PLXNA4: variants seen among roughly 807,000 people sequenced by gnomAD.
PLXNA4 encodes the protein plexin-A4.
A neutral mutation model predicts 191.8 loss-of-function variants in PLXNA4; 44 were observed. That is an observed-to-expected ratio of 0.23 (90% confidence interval 0.18 to 0.29). The LOEUF (loss-of-function observed/expected upper bound fraction) is 0.29. PLXNA4 is among the 10% of genes least tolerant of loss of function. PLXNA4 has a pLI of 1.00. For synonymous variants in PLXNA4, 1,082 were observed against 1,009.5 expected (o/e 1.07, Z -1.36); for missense variants, 1,800 against 2,488.8 (o/e 0.72, Z 5.89).
At chr7:132,464,593 G>C (rs1796631399) in intron 3 of PLXNA4, among the ~76,000 whole-genome samples, 1 of 152,168 alleles carries the variant, frequency 6.6e-6, no homozygotes, top group Admixed American at 6.5e-5. Context: ...GTGTCAAAAT[G>C]CTTTGCAAAA....
chr7:132,224,414 T>C (rs1282982756), intron 8 of PLXNA4, among the ~76,000 whole-genome samples: 1 of 152,134 alleles, frequency 6.6e-6, no homozygotes, highest in African/African-American at 2.4e-5. Flanking sequence ...CGTGAATCTC[T>C]TGGCTGACAT....
chr7:132,491,245 A>G (rs1387332264), intron 2 of PLXNA4, among the ~76,000 whole-genome samples: 1 of 152,258 alleles, frequency 6.6e-6, no homozygotes, highest in East Asian at 1.9e-4. Context: ...AATAAAATAC[A>G]AGGTGTCACT....
At chr7:132,240,190 T>C (rs1349905485) in intron 5 of PLXNA4, among the ~76,000 whole-genome samples, 1 of 152,212 alleles carries the variant, frequency 6.6e-6, no homozygotes, top group Non-Finnish European at 1.5e-5. Context: ...ATTTCAATTG[T>C]TGGCCAGAAA....
chr7:132,226,993 C>T (rs750071658), intron 7 of PLXNA4, among the ~76,000 whole-genome samples: 4 of 152,230 alleles, frequency 2.6e-5, no homozygotes, highest in Non-Finnish European at 5.9e-5. Context: ...GGGCAGCTTG[C>T]CCCCAACAAC....
chr7:132,327,678 A>G (rs111657678), intron 3 of PLXNA4, among the ~76,000 whole-genome samples: 2 of 152,236 alleles, frequency 1.3e-5, no homozygotes, highest in African/African-American at 4.8e-5. Flanking sequence ...GGAAGGTCAC[A>G]TCTGGATCCC....
At chr7:132,147,773 G>T in intron 27 of PLXNA4, 127 bp downstream of exon 27, 1 of 1,286,768 alleles carries the variant, frequency 7.8e-7, no homozygotes, top group Non-Finnish European at 1.1e-6. Context: ...TCTCTTCCCC[G>T]ATGGTCAGCC....
rs550549917 is a variant in PLXNA4 at position 132,597,763 on chromosome 7, T to C, written c.-87+48165A>G. On this transcript the variant is annotated intron_variant, in intron 2 of 4. Transcript: ENST00000378539. ...CATATAGAATTTTAATTTACATACA[T>C]ATATAATGTCATATGCTTCATTCTG... Among the ~76,000 whole-genome samples the C allele has an allele frequency of 2.2e-3, 329 of 152,262 alleles. 3 individuals are homozygous for C. The highest frequency in any genetic ancestry group is 3.9e-3 in the Non-Finnish European group (268 of 68,020).
At chr7:132,168,230 G>T in intron 22 of PLXNA4, 74 bp downstream of exon 22, 1 of 1,434,786 alleles carries the variant, frequency 7.0e-7, no homozygotes, top group Non-Finnish European at 9.2e-7. Flanking sequence ...AGCTCCACCC[G>T]AGTCTCCCTG....
chr7:132,459,220 C>T (rs1796414825), intron 3 of PLXNA4, among the ~76,000 whole-genome samples: 1 of 152,178 alleles, frequency 6.6e-6, no homozygotes, highest in African/African-American at 2.4e-5. Flanking sequence ...CCTGAGCAGA[C>T]AGTTTTCTGA....
At chr7:132,497,120 A>ACG (rs768308629) in intron 2 of PLXNA4, among the ~76,000 whole-genome samples, 42 of 81,956 alleles carry the variant, frequency 5.1e-4, no homozygotes, top group African/African-American at 1.7e-3. Flanking sequence ...TTGTGCACGC[A>ACG]CGCACACACA....
intron 2 of PLXNA4, among the ~76,000 whole-genome samples, chr7:132,604,744 A>G (rs991601335): frequency 4.6e-5 from 7 of 151,952 alleles, no homozygotes; most frequent in Non-Finnish European, 8.8e-5. Flanking sequence ...TCAATAACTC[A>G]TTCATTTGAT....
At position 132,505,480 on chromosome 7, in the gene PLXNA4, T is replaced by G. The variant is rs555047461; in HGVS notation, c.1188+2026A>C. Among the ~76,000 whole-genome samples, 24 of 70,520 alleles carry G rather than the reference T, an allele frequency of 3.4e-4. No individual in the cohort carries two copies. The South Asian group carries it at 4.0e-3, about 12-fold the overall frequency. 46.3% of individuals were successfully genotyped at this position (70,520 alleles called of 152,430 possible). On this transcript the variant is annotated intron_variant, in intron 2 of 31. Transcript: ENST00000321063. Reference sequence around the variant, plus strand: ...ACTCCTCTGGTCTCAAAAGAACTTGTTGTTGTTTAGTAAGTGCACAGTATA... The same window carrying G: ...ACTCCTCTGGTCTCAAAAGAACTTGGTGTTGTTTAGTAAGTGCACAGTATA...
At chr7:132,223,106 T>C (rs913652990) in intron 9 of PLXNA4, among the ~76,000 whole-genome samples, 9 of 152,222 alleles carry the variant, frequency 5.9e-5, no homozygotes, top group African/African-American at 1.7e-4. Flanking sequence ...CTCTCCCTTT[T>C]ACTCAGCTTG....
intron 4 of PLXNA4, among the ~76,000 whole-genome samples, chr7:132,290,974 A>G (rs1277763661): frequency 6.6e-6 from 1 of 152,204 alleles, no homozygotes; most frequent in African/African-American, 2.4e-5. Flanking sequence ...GCTCTTTTAC[A>G]TGGAATATCT....
chr7:132,288,889 C>T (rs913973169), intron 4 of PLXNA4, among the ~76,000 whole-genome samples: 10 of 152,182 alleles, frequency 6.6e-5, no homozygotes, highest in Non-Finnish European at 7.3e-5. Context: ...CTTCACATCA[C>T]CTTCCTCAGA....
At chr7:132,342,946 C>CAA (rs370055779) in intron 3 of PLXNA4, among the ~76,000 whole-genome samples, 9,617 of 102,320 alleles carry the variant, frequency 0.094, 1,422 homozygotes, top group African/African-American at 0.3. Flanking sequence ...GACTCTGCCT[C>CAA]AAAAAAAAAA....
At chr7:132,397,828 G>A (rs570735286) in intron 3 of PLXNA4, among the ~76,000 whole-genome samples, 108 of 152,334 alleles carry the variant, frequency 7.1e-4, no homozygotes, top group South Asian at 2.5e-3. Context: ...GCTAAGGACA[G>A]TATGCCTATT....
At chr7:132,591,120 A>C (rs973072786) in intron 2 of PLXNA4, among the ~76,000 whole-genome samples, 2 of 152,146 alleles carry the variant, frequency 1.3e-5, no homozygotes, top group Non-Finnish European at 2.9e-5. Context: ...GATCACTAAC[A>C]CTGATTTGGA....
chr7:132,568,882 G>A lies in PLXNA4; in HGVS notation c.-87+7540C>T, dbSNP rs566128149. Reference sequence around the variant, plus strand: ...TAATGGACAAGAGGCCCCCAGTGACGCTTTCTGCTGTTCCTCTGGCCCTAA... The same window carrying A: ...TAATGGACAAGAGGCCCCCAGTGACACTTTCTGCTGTTCCTCTGGCCCTAA... On this transcript the variant is annotated intron_variant, in intron 1 of 31. Transcript: ENST00000321063. 6.8e-4 allele frequency among the ~76,000 whole-genome samples: 103 copies of A among 152,312 alleles called. 1 individual carries two copies. Among genetic ancestry groups the A allele is most frequent in the African/African-American group, 2.3e-3 (97 of 41,568 alleles).
Sources: allele counts gnomAD v4.1 joint callset (sites outside exome capture counted in the v4.1 genomes callset), GRCh38; gene constraint gnomAD v4.1.1; transcripts MANE v1.5; gene names NCBI Gene and HGNC (gene_info 2026-07-23, HGNC 2026-07-21).